LINGO2: variants seen among roughly 807,000 people sequenced by gnomAD.
LINGO2 encodes the protein leucine-rich repeat and immunoglobulin-like domain-containing nogo receptor-interacting protein 2.
LINGO2 carries 14 observed loss-of-function variants against 30.6 expected under a neutral mutation model. The observed-to-expected ratio is 0.46, with a 90% CI of 0.30 to 0.72. LINGO2 has a LOEUF of 0.72. Ranked by LOEUF, LINGO2 falls within the 30% of genes least tolerant of loss-of-function variation. LINGO2 has a pLI of 0.07. For missense variants in LINGO2, 729 were observed against 751.7 expected (o/e 0.97, Z 0.35); for synonymous variants, 317 against 288.5 (o/e 1.10, Z -1.00).
intron 2 of LINGO2, among the ~76,000 whole-genome samples, chr9:28,425,227 A>G (rs992910723): frequency 6.7e-6 from 1 of 148,338 alleles, no homozygotes. Flanking sequence ...ATAATTGCAC[A>G]TAAGTATATA....
chr9:28,897,340 A>G, the LINGO2 span, among the ~76,000 whole-genome samples: 2 of 152,148 alleles, frequency 1.3e-5, no homozygotes, highest in Admixed American at 6.6e-5. Context: ...TTTATACATC[A>G]CATCATGTTT....
chr9:28,650,141 TG>T (rs985411166), intron 1 of LINGO2, among the ~76,000 whole-genome samples: 30 of 151,526 alleles, frequency 2.0e-4, no homozygotes, highest in African/African-American at 7.3e-4. Flanking sequence ...TATTAAGAAA[TG>T]AAAAAAAAGA....
At chr9:27,956,032 T>C (rs1819549722) in intron 5 of LINGO2, among the ~76,000 whole-genome samples, 1 of 148,222 alleles carries the variant, frequency 6.7e-6, no homozygotes, top group Non-Finnish European at 1.5e-5. Context: ...CTCCGCCTCC[T>C]GCGTTCAAGC....
At chr9:28,373,722 A>T (rs892682035) in intron 2 of LINGO2, among the ~76,000 whole-genome samples, 3 of 152,076 alleles carry the variant, frequency 2.0e-5, no homozygotes, top group Non-Finnish European at 4.4e-5. Context: ...CAACATGGCG[A>T]AACCCCATCT....
At chr9:28,278,896 C>T (rs529721269) in intron 4 of LINGO2, among the ~76,000 whole-genome samples, 12 of 150,360 alleles carry the variant, frequency 8.0e-5, no homozygotes, top group Middle Eastern at 3.7e-3. Context: ...TTGAAAACCT[C>T]CTGGAAAAGA....
chr9:28,737,410 T>C, the LINGO2 span, among the ~76,000 whole-genome samples: 2 of 152,212 alleles, frequency 1.3e-5, no homozygotes, highest in African/African-American at 4.8e-5. Flanking sequence ...TGAGTGGTTG[T>C]TGCTTTAAGC....
At chr9:28,281,217 ATAACT>A (rs1225964737) in intron 4 of LINGO2, among the ~76,000 whole-genome samples, 1 of 152,102 alleles carries the variant, frequency 6.6e-6, no homozygotes, top group Non-Finnish European at 1.5e-5. Context: ...TAGCAGGAAG[ATAACT>A]TTATTTTTTT....
At chr9:28,157,468 C>T (rs1211248293) in intron 4 of LINGO2, among the ~76,000 whole-genome samples, 2 of 152,196 alleles carry the variant, frequency 1.3e-5, no homozygotes, top group Non-Finnish European at 2.9e-5. Flanking sequence ...GCCTGTGATG[C>T]AAAGGGCTGC....
At chr9:29,071,955 A>C in the LINGO2 span, among the ~76,000 whole-genome samples, 1 of 152,144 alleles carries the variant, frequency 6.6e-6, no homozygotes, top group Non-Finnish European at 1.5e-5. Context: ...GCTAATTTAC[A>C]ACTGCCCCTT....
intron 4 of LINGO2, among the ~76,000 whole-genome samples, chr9:28,188,835 G>T (rs979862220): frequency 6.6e-6 from 1 of 152,064 alleles, no homozygotes; most frequent in Non-Finnish European, 1.5e-5. Context: ...CATCATTTAC[G>T]TGTAATTACC....
At chr9:29,050,388 G>A in the LINGO2 span, among the ~76,000 whole-genome samples, 51 of 152,188 alleles carry the variant, frequency 3.4e-4, no homozygotes, top group African/African-American at 8.4e-4. Flanking sequence ...AAATATACAC[G>A]TCTGCTATGT....
the LINGO2 span, among the ~76,000 whole-genome samples, chr9:28,842,571 C>A: frequency 6.6e-6 from 1 of 151,800 alleles, no homozygotes; most frequent in Admixed American, 6.6e-5. Context: ...AAAGTCCCCA[C>A]CAAATGTAAA....
At chr9:28,557,012 A>C (rs965057611) in intron 1 of LINGO2, among the ~76,000 whole-genome samples, 1 of 151,648 alleles carries the variant, frequency 6.6e-6, no homozygotes, top group Non-Finnish European at 1.5e-5. Context: ...TGGATTAAAG[A>C]CTTAAACGTT....
At chr9:28,512,852 T>G (rs1820466883) in intron 1 of LINGO2, among the ~76,000 whole-genome samples, 1 of 151,438 alleles carries the variant, frequency 6.6e-6, no homozygotes, top group Non-Finnish European at 1.5e-5. Context: ...GAGAAAGATG[T>G]AGGCTGAGAG....
rs148467673 is a variant in LINGO2, at chr9:28,199,251, G to T, written c.-87+95957C>A. Among the ~76,000 whole-genome samples the T allele has an allele frequency of 6.6e-4, 101 of 152,118 alleles. 2 individuals are homozygous for T. The highest frequency in any genetic ancestry group is 1.3e-3 in the Non-Finnish European group (87 of 67,984). On this transcript the variant is annotated intron_variant, in intron 4 of 5. Transcript: ENST00000379992. ...AATTAATAAATGCTTTATGATGAAG[G>T]CATGCATTTCATTAAATCCAAGGGT...
intron 1 of LINGO2, among the ~76,000 whole-genome samples, chr9:28,511,158 C>T (rs2135362366): frequency 6.6e-6 from 1 of 152,250 alleles, no homozygotes; most frequent in South Asian, 2.1e-4. Context: ...CAAGTTGATG[C>T]TTAGTATTAA....
At chr9:28,534,742 G>C (rs1214062302) in intron 1 of LINGO2, among the ~76,000 whole-genome samples, 1 of 151,996 alleles carries the variant, frequency 6.6e-6, no homozygotes, top group Non-Finnish European at 1.5e-5. Flanking sequence ...TAGAACAAAG[G>C]AATAAGAATT....
chr9:29,188,252 T>C, the LINGO2 span, among the ~76,000 whole-genome samples: 1 of 151,682 alleles, frequency 6.6e-6, no homozygotes, highest in Non-Finnish European at 1.5e-5. Context: ...AGCATCTGTT[T>C]AACAAAGCAC....
chr9:28,706,225 A>C, the LINGO2 span, among the ~76,000 whole-genome samples: 7 of 152,116 alleles, frequency 4.6e-5, no homozygotes, highest in Non-Finnish European at 1.0e-4. Flanking sequence ...GTCGGTTTCA[A>C]ACAGTGCATT....
Sources: allele counts gnomAD v4.1 joint callset (sites outside exome capture counted in the v4.1 genomes callset), GRCh38; gene constraint gnomAD v4.1.1; transcripts MANE v1.5; gene names NCBI Gene and HGNC (gene_info 2026-07-23, HGNC 2026-07-21).